Variants in AGTR1 observed in about 807,000 individuals in gnomAD.
AGTR1 encodes angiotensin II receptor type 1, also known as type-1 angiotensin II receptor.
In AGTR1, 16 loss-of-function variants were observed where a neutral mutation model predicts 19.4. The ratio of observed to expected loss-of-function variants is 0.82; its 90% CI spans 0.56 to 1.25. The LOEUF is 1.25. Among genes scored for constraint, AGTR1 ranks in the 50% most tolerant of loss-of-function variants. The pLI, the probability that AGTR1 is intolerant of heterozygous loss-of-function variation, is 0.00. For synonymous variants in AGTR1, 153 were observed against 154.9 expected (o/e 0.99, Z 0.09); for missense variants, 373 against 431.9 (o/e 0.86, Z 1.21).
chr3:148,701,779 T>C (rs1034296623), intron 1 of AGTR1, among the ~76,000 whole-genome samples: 2 of 152,178 alleles, frequency 1.3e-5, no homozygotes, highest in African/African-American at 4.8e-5. Flanking sequence ...CTAGATTTCC[T>C]TAAAACTTAA....
At chr3:148,717,703 T>C (rs1559926006) in intron 2 of AGTR1, among the ~76,000 whole-genome samples, 1 of 152,204 alleles carries the variant, frequency 6.6e-6, no homozygotes, top group Non-Finnish European at 1.5e-5. Context: ...GGAAAATTGT[T>C]AATTCATATG....
At chr3:148,706,466 A>G (rs1245311771) in intron 1 of AGTR1, among the ~76,000 whole-genome samples, 2 of 152,006 alleles carry the variant, frequency 1.3e-5, no homozygotes, top group African/African-American at 4.8e-5. Flanking sequence ...TAAATTTCTT[A>G]TTTAAAAAAT....
At chr3:148,733,050 T>A (rs12695907) in intron 2 of AGTR1, among the ~76,000 whole-genome samples, 6 of 152,266 alleles carry the variant, frequency 3.9e-5, no homozygotes, top group Non-Finnish European at 7.4e-5. Flanking sequence ...CGGAAAATTT[T>A]TTTAAGAGTA....
intron 2 of AGTR1, among the ~76,000 whole-genome samples, chr3:148,723,379 G>A (rs1713754220): frequency 6.6e-6 from 1 of 152,138 alleles, no homozygotes. Context: ...CTCCTCACCA[G>A]TCATCTAGCC....
At chr3:148,733,258 G>A (rs1049360491) in intron 2 of AGTR1, among the ~76,000 whole-genome samples, 6 of 152,144 alleles carry the variant, frequency 3.9e-5, no homozygotes, top group Non-Finnish European at 7.3e-5. Context: ...ACAGTATATC[G>A]AATATTCTAG....
chr3:148,715,526 A>G (rs777558486), intron 2 of AGTR1, among the ~76,000 whole-genome samples: 1 of 152,138 alleles, frequency 6.6e-6, no homozygotes, highest in African/African-American at 2.4e-5. Context: ...CCCCCAGAGT[A>G]AGAAATAAGA....
chr3:148,724,734 T>G (rs892940663), intron 2 of AGTR1, among the ~76,000 whole-genome samples: 2 of 152,190 alleles, frequency 1.3e-5, no homozygotes, highest in African/African-American at 4.8e-5. Flanking sequence ...TAGTTTCTGA[T>G]AAGATATAAA....
At chr3:148,735,844 A>T (rs898600688) in intron 2 of AGTR1, among the ~76,000 whole-genome samples, 1 of 152,188 alleles carries the variant, frequency 6.6e-6, no homozygotes, top group Admixed American at 6.5e-5. Context: ...TAAAGACAAC[A>T]GTTTATTGAA....
chr3:148,730,735 C>T (rs895184387), intron 2 of AGTR1, among the ~76,000 whole-genome samples: 23 of 152,178 alleles, frequency 1.5e-4, no homozygotes, highest in Non-Finnish European at 1.5e-5. Context: ...CCGAACCCCA[C>T]CCACAGAGTT....
chr3:148,717,469 C>G (rs977993134), intron 2 of AGTR1, among the ~76,000 whole-genome samples: 3 of 152,126 alleles, frequency 2.0e-5, no homozygotes, highest in African/African-American at 4.8e-5. Flanking sequence ...ACCAAATTCA[C>G]CAGAGTCTAA....
chr3:148,700,877 A>G (rs1712300144), intron 1 of AGTR1, among the ~76,000 whole-genome samples: 2 of 152,346 alleles, frequency 1.3e-5, no homozygotes, highest in South Asian at 4.1e-4. Flanking sequence ...AAAATTGCCT[A>G]AGATCATTGG....
intron 2 of AGTR1, among the ~76,000 whole-genome samples, chr3:148,715,307 C>T (rs1363188188): frequency 6.6e-6 from 1 of 152,122 alleles, no homozygotes; most frequent in Non-Finnish European, 1.5e-5. Context: ...GCATATTTAA[C>T]AATCTGTGTT....
At chr3:148,739,360 G>GAA (rs869112085) in intron 2 of AGTR1, among the ~76,000 whole-genome samples, 6 of 114,850 alleles carry the variant, frequency 5.2e-5, no homozygotes, top group Non-Finnish European at 9.8e-5. Flanking sequence ...CTCTGTCTCA[G>GAA]AAAAAAAAAA....
At chr3:148,717,889 C>A (rs537565292) in intron 2 of AGTR1, among the ~76,000 whole-genome samples, 1 of 152,234 alleles carries the variant, frequency 6.6e-6, no homozygotes, top group East Asian at 1.9e-4. Context: ...TTCTTGAATC[C>A]TACCTTTGAG....
intron 1 of AGTR1, among the ~76,000 whole-genome samples, chr3:148,704,274 G>A (rs1380926981): frequency 6.6e-6 from 1 of 151,978 alleles, no homozygotes; most frequent in Admixed American, 6.6e-5. Context: ...ACTGAGTTGG[G>A]AGGATTGCTT....
chr3:148,704,377 A>ATAAT lies in AGTR1; in HGVS notation c.-131-3566_-131-3563dup, dbSNP rs1319399208. On this transcript the variant is annotated intron_variant, in intron 1 of 2. Transcript: ENST00000349243. ...AAAGACCCTGTCTCGAATAATAATA[A>ATAAT]TAATAATAACAACTTTTGATATCTC... is the stretch of plus-strand genomic sequence containing the variant. Among the ~76,000 whole-genome samples the ATAAT allele has an allele frequency of 2.0e-5, 3 of 151,578 alleles. No homozygotes were observed. The East Asian group carries it at 5.8e-4, about 29-fold the overall frequency.
Position 148,742,468 on chromosome 3 carries a change from T to G in AGTR1, c.*353T>G, listed in dbSNP as rs1423930678. On this transcript the variant is annotated 3_prime_UTR_variant, in exon 3 of 3. Transcript: ENST00000349243. The stretch of plus-strand genomic sequence containing the variant: ...TTTCCACATAAAGGTATTTAGAATA[T>G]ATTAAATCGTTAGAGGAGCAACAGG... 2.6e-6 allele frequency: 1 copy of G among 382,212 alleles called. No individual in the cohort carries two copies. Among genetic ancestry groups the G allele is most frequent in the African/African-American group, 2.1e-5 (1 of 47,272 alleles). The allele number at this position is 382,212 out of a possible 1,614,324, so 23.7% of individuals were successfully genotyped here. A position where few individuals can be genotyped will look rare whatever the true frequency, so the allele number is the denominator to read the frequency against.
Position 148,741,416 on chromosome 3 carries a change from C to T in AGTR1, c.381C>T (p.Tyr127=). ...FLLTCLSIDR[Y]LAIVHPMKSR... is the part of the protein sequence containing the mutation. Reference sequence around the variant, plus strand: ...TCACGTGTCTCAGCATTGATCGATACCTGGCTATTGTTCACCCAATGAAGT... The same window carrying T: ...TCACGTGTCTCAGCATTGATCGATATCTGGCTATTGTTCACCCAATGAAGT... The change falls in exon 3 of 3, where the codon TAC becomes TAT. Residue 127 remains tyrosine (Y), a synonymous_variant. Coordinates refer to ENST00000349243, the MANE Select transcript of AGTR1 (RefSeq NM_000685.5). The T allele has an allele frequency of 6.2e-7, 1 of 1,605,214 alleles. No individual in the cohort carries two copies. Among genetic ancestry groups the T allele is most frequent in the Non-Finnish European group, 8.5e-7 (1 of 1,178,864 alleles).
At chr3:148,736,451 T>C (rs1714576239) in intron 2 of AGTR1, among the ~76,000 whole-genome samples, 1 of 152,240 alleles carries the variant, frequency 6.6e-6, no homozygotes, top group Non-Finnish European at 1.5e-5. Flanking sequence ...CTCTCACGCT[T>C]TCTTAACCCA....
Sources: gnomAD v4.1 joint callset for allele counts (sites outside exome capture counted in the v4.1 genomes callset) on GRCh38, gnomAD v4.1.1 for gene constraint, MANE v1.5 for transcripts, NCBI Gene and HGNC (gene_info 2026-07-23, HGNC 2026-07-21) for gene names.